The following RNF115 variants were observed in gnomAD, a reference collection of about 807,000 sequenced individuals.
RNF115 encodes ring finger protein 115, also known as E3 ubiquitin-protein ligase RNF115.
A neutral mutation model predicts 39.2 loss-of-function variants in RNF115; 31 were observed. The observed-to-expected ratio is 0.79, with a 90% CI of 0.59 to 1.07. RNF115 has a LOEUF of 1.07. Ranked by LOEUF, RNF115 falls within the 50% of genes least tolerant of loss-of-function variation. The pLI, the probability that RNF115 is intolerant of heterozygous loss-of-function variation, is 0.00. For synonymous variants in RNF115, 124 were observed against 131.0 expected (o/e 0.95, Z 0.37); for missense variants, 384 against 381.7 (o/e 1.01, Z -0.05).
At chr1:145,766,915 G>A (rs112021160) in intron 4 of RNF115, among the ~76,000 whole-genome samples, 551 of 43,910 alleles carry the variant, frequency 0.013, 38 homozygotes, top group South Asian at 0.024. Context: ...CCTCCCGGAC[G>A]GGGCGGCTGG....
At chr1:145,764,168 G>A (rs1025788812) in intron 4 of RNF115, among the ~76,000 whole-genome samples, 2 of 152,166 alleles carry the variant, frequency 1.3e-5, no homozygotes, top group African/African-American at 2.4e-5. Context: ...CGCCAGCCTC[G>A]GCCTCCCGAG....
rs587610121 is a variant in RNF115, at chr1:145,779,417, C to T, written c.219+5122G>A. Among the ~76,000 whole-genome samples the T allele has an allele frequency of 2.6e-5, 4 of 152,028 alleles. No individual in the cohort carries two copies. The East Asian group carries it at 5.8e-4, about 22-fold the overall frequency. ...CTTGAACTCCTGGGCTCAAACAATC[C>T]GCCTGCCTCCGCCCTCCCAAAGTGC... On this transcript the variant is annotated intron_variant, in intron 3 of 8. Transcript: ENST00000582693.
rs368823068 is a variant in RNF115, at chr1:145,805,190, A to G, written c.103-16224T>C. Among the ~76,000 whole-genome samples the G allele has an allele frequency of 2.7e-4, 41 of 152,338 alleles. No individual in the cohort carries two copies. In the Middle Eastern group the frequency reaches 0.014, roughly 51 times the overall value. On this transcript the variant is annotated intron_variant, in intron 1 of 8. Coordinates refer to ENST00000582693, the MANE Select transcript of RNF115 (RefSeq NM_014455.4). ...GAATTCTAGCATTGACTTGCCATCA[A>G]TGACATAGGAGAATTTCACAAGTAT...
chr1:145,760,147 C>A (rs1295828892), intron 4 of RNF115, among the ~76,000 whole-genome samples: 1 of 152,092 alleles, frequency 6.6e-6, no homozygotes, highest in African/African-American at 2.4e-5. Flanking sequence ...ATTAAGAGAC[C>A]TCTTATGGGG....
chr1:145,811,883 C>CAAAAAAAAAAA (rs67086842), intron 1 of RNF115, among the ~76,000 whole-genome samples: 31 of 35,848 alleles, frequency 8.6e-4, no homozygotes, highest in Non-Finnish European at 1.1e-3. Flanking sequence ...TTCTGTCTCA[C>CAAAAAAAAAAA]AAAAAAAAAA....
chr1:145,750,851 A>C (rs782016985), intron 6 of RNF115, among the ~76,000 whole-genome samples: 6 of 152,254 alleles, frequency 3.9e-5, no homozygotes, highest in Non-Finnish European at 8.8e-5. Context: ...CATCTTCTGG[A>C]AGAAGAAAAA....
At chr1:145,765,829 T>A (rs766049870) in intron 4 of RNF115, among the ~76,000 whole-genome samples, 4 of 152,108 alleles carry the variant, frequency 2.6e-5, no homozygotes, top group African/African-American at 9.7e-5. Context: ...ATGTGAGAGT[T>A]CCCTGTCTCT....
intron 1 of RNF115, among the ~76,000 whole-genome samples, chr1:145,791,612 C>T (rs1648672337): frequency 6.6e-6 from 1 of 151,990 alleles, no homozygotes; most frequent in Admixed American, 6.6e-5. Context: ...TCTATTCTAT[C>T]TTCTGTTTAT....
At chr1:145,798,801 ATGTC>A (rs1455303741) in intron 1 of RNF115, among the ~76,000 whole-genome samples, 2 of 152,116 alleles carry the variant, frequency 1.3e-5, no homozygotes, top group Non-Finnish European at 2.9e-5. Flanking sequence ...TGAACACAGG[ATGTC>A]TTTCTATTTA....
chr1:145,781,570 C>T (rs1451473973), intron 3 of RNF115, among the ~76,000 whole-genome samples: 1 of 152,140 alleles, frequency 6.6e-6, no homozygotes, highest in Non-Finnish European at 1.5e-5. Flanking sequence ...CAAGCACTCA[C>T]TAGATGGTAG....
At chr1:145,775,948 A>G (rs1162530472) in intron 3 of RNF115, among the ~76,000 whole-genome samples, 3 of 152,106 alleles carry the variant, frequency 2.0e-5, no homozygotes, top group African/African-American at 7.2e-5. Flanking sequence ...CAGTGAGCCG[A>G]GATCACTCCA....
intron 1 of RNF115, among the ~76,000 whole-genome samples, chr1:145,812,333 T>C (rs1269163681): frequency 6.7e-6 from 1 of 150,084 alleles, no homozygotes; most frequent in Non-Finnish European, 1.5e-5. Context: ...GAGAGATTAA[T>C]CTGTCTTAAC....
intron 3 of RNF115, 25 bp from the exon 4 acceptor site, chr1:145,771,944 CAT>C (rs782733428): frequency 1.6e-4 from 257 of 1,585,138 alleles, no homozygotes; most frequent in Non-Finnish European, 1.9e-4. Context: ...AAATAAGTCA[CAT>C]GTTAGAAAAA....
At position 145,751,452 on chromosome 1, in the gene RNF115, C is replaced by T; in HGVS notation, c.559G>A (p.Ala187Thr). 2 of 1,587,180 alleles carry T rather than the reference C, an allele frequency of 1.3e-6. No homozygotes were observed. Among genetic ancestry groups the T allele is most frequent in the Non-Finnish European group, 1.7e-6 (2 of 1,166,108 alleles). ...CAGCTCCTCACCTGGGTTACAATGGCATCAAGCCCTGTCTGACCCCAGGCA... is the reference window on the plus strand; with the variant it reads ...CAGCTCCTCACCTGGGTTACAATGGTATCAAGCCCTGTCTGACCCCAGGCA... ...DYAWGQTGLD[A>T]IVTQLLGQLE... Residue 187 changes from alanine (A) to threonine (T), a missense_variant, in exon 6 of 9, where the codon GCC becomes ACC. Physicochemically the swap from Ala to Thr is moderately conservative, Grantham distance 58. Coordinates refer to ENST00000582693, the MANE Select transcript of RNF115 (RefSeq NM_014455.4).
intron 1 of RNF115, among the ~76,000 whole-genome samples, chr1:145,803,323 C>T (rs1261264520): frequency 6.6e-6 from 1 of 152,110 alleles, no homozygotes; most frequent in Non-Finnish European, 1.5e-5. Context: ...CAGTTCCAGG[C>T]CAATAAAACT....
Position 145,744,851 on chromosome 1 carries a change from C to A in RNF115, c.*2015G>T, listed in dbSNP as rs1003733842. On this transcript the variant is annotated 3_prime_UTR_variant, in exon 9 of 9. Transcript: ENST00000582693. ...CTTGAAGTTTCAACAACATTCTTGACCTTCTTAATTTATCCAATGTTAAAC... is the reference window on the plus strand; with the variant it reads ...CTTGAAGTTTCAACAACATTCTTGAACTTCTTAATTTATCCAATGTTAAAC... The A allele has an allele frequency of 6.6e-6, 1 of 152,142 alleles. No homozygotes were observed. The highest frequency in any genetic ancestry group is 1.5e-5 in the Non-Finnish European group (1 of 68,038). The allele number at this position is 152,142 out of a possible 1,614,324, so 9.4% of individuals were successfully genotyped here. A position where few individuals can be genotyped will look rare whatever the true frequency, so the allele number is the denominator to read the frequency against.
rs1258986592 is a variant in RNF115 at position 145,815,168 on chromosome 1, T to C, written c.102+8604A>G. Among the ~76,000 whole-genome samples, 10 of 152,412 alleles carry C rather than the reference T, an allele frequency of 6.6e-5. No homozygotes were observed. In the South Asian group the frequency reaches 1.7e-3, roughly 25 times the overall value. On this transcript the variant is annotated intron_variant, in intron 1 of 8. Transcript: ENST00000582693. ...TGTATTAGAGTTATTGCAAGTACAA[T>C]ACAATGATGAATGCCTTCTCTAGCA... is the stretch of plus-strand genomic sequence containing the variant.
At chr1:145,790,729 G>A (rs1358098784) in intron 1 of RNF115, among the ~76,000 whole-genome samples, 4 of 152,058 alleles carry the variant, frequency 2.6e-5, no homozygotes, top group African/African-American at 7.3e-5. Context: ...ACCGTGCCTG[G>A]CCTATTTTTT....
chr1:145,806,533 T>C (rs1649470713), intron 1 of RNF115, among the ~76,000 whole-genome samples: 1 of 152,152 alleles, frequency 6.6e-6, no homozygotes, highest in Non-Finnish European at 1.5e-5. Context: ...ATGTTGAAAT[T>C]TGATCCCCAA....
Sources: allele counts gnomAD v4.1 joint callset (sites outside exome capture counted in the v4.1 genomes callset), GRCh38; gene constraint gnomAD v4.1.1; transcripts MANE v1.5; gene names NCBI Gene and HGNC (gene_info 2026-07-23, HGNC 2026-07-21).